The following BCL11A variants were observed in gnomAD, a reference collection of about 807,000 sequenced individuals.
BCL11A encodes B cell CLL/lymphoma 11A.
A neutral mutation model predicts 55.9 loss-of-function variants in BCL11A; 2 were observed. The ratio of observed to expected loss-of-function variants is 0.04; its 90% confidence interval spans 0.01 to 0.11. The LOEUF is 0.11. BCL11A is among the 10% of genes least tolerant of loss of function. The pLI is 1.00. For missense variants in BCL11A, 817 were observed against 1,137.1 expected, an observed-to-expected ratio of 0.72 and a Z score of 4.05; for synonymous variants, 465 against 473.4, an observed-to-expected ratio of 0.98 and a Z score of 0.23.
chr2:60,522,085 G>T (rs1039134452), intron 2 of BCL11A: 1 of 152,200 alleles, frequency 6.6e-6, no homozygotes, highest in African/African-American at 2.4e-5. Context: ...AGGCCATACT[G>T]CTCTCCACCA....
Position 60,538,747 on chromosome 2 carries a change from G to C in BCL11A, c.385+7224C>G, listed in dbSNP as rs1036889171. On this transcript the variant is annotated intron_variant, in intron 2 of 3. Transcript: ENST00000642384. ...TCTCTCTCTCTCTCTCTCTGTGTGT[G>C]TGTGTGTGTGTGTGTGTGTGTGTGT... Among the ~76,000 whole-genome samples the C allele has an allele frequency of 9.8e-3, 1,409 of 143,712 alleles. 11 individuals are homozygous for C. The highest frequency in any genetic ancestry group is 0.017 in the African/African-American group (664 of 38,552). 94.3% of individuals were successfully genotyped at this position (143,712 alleles called of 152,430 possible). A position where few individuals can be genotyped will look rare whatever the true frequency, so the allele number is the denominator to read the frequency against.
chr2:60,457,795 A>C lies in BCL11A; in HGVS notation c.*2609T>G. ...CACTACATAACAAACCAACGTTATTAGCTTGCAGTACTGCATACAGTATGG... is the reference window on the plus strand; with the variant it reads ...CACTACATAACAAACCAACGTTATTCGCTTGCAGTACTGCATACAGTATGG... On this transcript the variant is annotated 3_prime_UTR_variant, in exon 4 of 4. Coordinates refer to ENST00000642384, the MANE Select transcript of BCL11A (RefSeq NM_022893.4). 1.9e-6 allele frequency: 2 copies of C among 1,043,780 alleles called. No individual in the cohort carries two copies. The highest frequency in any genetic ancestry group is 3.3e-5 in the African/African-American group (2 of 59,824). The allele number at this position is 1,043,780 out of a possible 1,614,324, so 64.7% of individuals were successfully genotyped here. A position where few individuals can be genotyped will look rare whatever the true frequency, so the allele number is the denominator to read the frequency against.
Position 60,457,687 on chromosome 2 carries a change from C to CT in BCL11A, c.*2716dup, listed in dbSNP as rs538939714. 115 of 971,388 alleles carry CT rather than the reference C, an allele frequency of 1.2e-4. 1 individual carries two copies. The highest frequency in any genetic ancestry group is 1.1e-3 in the African/African-American group (59 of 53,504). The allele number at this position is 971,388 out of a possible 1,614,324, so 60.2% of individuals were successfully genotyped here. A position where few individuals can be genotyped will look rare whatever the true frequency, so the allele number is the denominator to read the frequency against. On this transcript the variant is annotated 3_prime_UTR_variant, in exon 4 of 4. Coordinates refer to ENST00000642384, the MANE Select transcript of BCL11A (RefSeq NM_022893.4). Reference sequence around the variant, plus strand: ...AAACATTGGTTTTTTTTTTTTTTTCCTTTTTTTTTCTTTCTTTCTTTTACT... The same window carrying CT: ...AAACATTGGTTTTTTTTTTTTTTTCCTTTTTTTTTTCTTTCTTTCTTTTACT...
Position 60,458,294 on chromosome 2 carries a change from G to A in BCL11A, c.*2110C>T. ...TGTATGTTTTTTTTTTTTACAACCT[G>A]AAGAGCGGTGTGTATCCAAGGCATA... On this transcript the variant is annotated 3_prime_UTR_variant, in exon 4 of 4. Coordinates refer to ENST00000642384, the MANE Select transcript of BCL11A (RefSeq NM_022893.4). The A allele has an allele frequency of 9.8e-7, 1 of 1,022,014 alleles. No homozygotes were observed. 63.3% of individuals were successfully genotyped at this position (1,022,014 alleles called of 1,614,324 possible).
At chr2:60,492,091 T>C (rs1283774314) in intron 2 of BCL11A, among the ~76,000 whole-genome samples, 2 of 152,122 alleles carry the variant, frequency 1.3e-5, no homozygotes, top group African/African-American at 4.8e-5. Context: ...TAAGACTGAG[T>C]TGGTGACAGG....
chr2:60,549,137 G>C (rs984299917), intron 1 of BCL11A, among the ~76,000 whole-genome samples: 3 of 152,182 alleles, frequency 2.0e-5, no homozygotes, highest in East Asian at 1.9e-4. Context: ...TCTACGAGGG[G>C]AGGAAGAAAT....
At chr2:60,541,196 T>C (rs1241118463) in intron 2 of BCL11A, among the ~76,000 whole-genome samples, 1 of 150,186 alleles carries the variant, frequency 6.7e-6, no homozygotes, top group East Asian at 2.0e-4. Flanking sequence ...ATGATCTTCA[T>C]ATCACGTGGA....
chr2:60,468,694 C>T (rs1381731527), intron 3 of BCL11A, 38 bp downstream of exon 3: 3 of 1,477,900 alleles, frequency 2.0e-6, no homozygotes, highest in African/African-American at 1.4e-5. Context: ...CATCTCTATA[C>T]ACATGGACAT....
At chr2:60,549,340 G>T (rs1285113171) in intron 1 of BCL11A, among the ~76,000 whole-genome samples, 2 of 152,162 alleles carry the variant, frequency 1.3e-5, no homozygotes, top group Non-Finnish European at 2.9e-5. Context: ...AGGGGGAGGG[G>T]GAAAGGGAGA....
intron 2 of BCL11A, among the ~76,000 whole-genome samples, chr2:60,503,767 G>A (rs1345353887): frequency 2.4e-4 from 37 of 152,198 alleles, no homozygotes; most frequent in Admixed American, 2.4e-3. Context: ...AGATTTAGGA[G>A]CCAAGATGCA....
intron 2 of BCL11A, among the ~76,000 whole-genome samples, chr2:60,513,630 T>C (rs1668589297): frequency 6.6e-6 from 1 of 151,832 alleles, no homozygotes; most frequent in Non-Finnish European, 1.5e-5. Context: ...CTAATCCATC[T>C]CCCCACTCAC....
At chr2:60,532,114 G>A (rs1174968853) in intron 2 of BCL11A, among the ~76,000 whole-genome samples, 1 of 151,914 alleles carries the variant, frequency 6.6e-6, no homozygotes, top group Admixed American at 6.5e-5. Context: ...CCGCACAATC[G>A]AATCTAATTA....
At chr2:60,474,115 T>G (rs1441018696) in intron 2 of BCL11A, among the ~76,000 whole-genome samples, 1 of 152,234 alleles carries the variant, frequency 6.6e-6, no homozygotes, top group African/African-American at 2.4e-5. Flanking sequence ...CTTAGAGCCT[T>G]GATTACTCAA....
At chr2:60,507,256 G>A (rs1330711027) in intron 2 of BCL11A, among the ~76,000 whole-genome samples, 6 of 824 alleles carry the variant, frequency 7.3e-3, no homozygotes, top group African/African-American at 0.022. Context: ...GGGGAGGGGA[G>A]GGGAGGGGAG....
At chr2:60,475,252 AG>A in intron 2 of BCL11A, among the ~76,000 whole-genome samples, 1 of 152,320 alleles carries the variant, frequency 6.6e-6, no homozygotes, top group Admixed American at 6.5e-5. Context: ...AGCTTTCACA[AG>A]TGCGTATTTT....
At chr2:60,467,905 A>T (rs930015730) in intron 3 of BCL11A, among the ~76,000 whole-genome samples, 2 of 4,534 alleles carry the variant, frequency 4.4e-4, no homozygotes, top group Non-Finnish European at 4.4e-4. Context: ...TGGTGGTGGT[A>T]ATGGTGGTGG....
At chr2:60,469,924 A>G (rs1271142502) in intron 2 of BCL11A, among the ~76,000 whole-genome samples, 2 of 152,208 alleles carry the variant, frequency 1.3e-5, no homozygotes, top group African/African-American at 4.8e-5. Flanking sequence ...ACAGACTTTG[A>G]TGGTGAACAA....
chr2:60,526,806 A>C (rs1235022092), intron 2 of BCL11A: 2 of 152,228 alleles, frequency 1.3e-5, no homozygotes, highest in Non-Finnish European at 2.9e-5. Context: ...CTGACCTATA[A>C]TGCGTCTGAT....
intron 2 of BCL11A, among the ~76,000 whole-genome samples, chr2:60,494,219 TGA>T (rs1227104645): frequency 1.3e-5 from 2 of 151,448 alleles, no homozygotes; most frequent in Admixed American, 1.3e-4. Context: ...TAAGCAAGAG[TGA>T]GAGAGGGTGA....
Sources: allele counts gnomAD v4.1 joint callset (sites outside exome capture counted in the v4.1 genomes callset), GRCh38; gene constraint gnomAD v4.1.1; transcripts MANE v1.5; gene names NCBI Gene and HGNC (gene_info 2026-07-23, HGNC 2026-07-21).